FLRT1: variants seen among roughly 807,000 people sequenced by gnomAD.
FLRT1 encodes fibronectin leucine rich transmembrane protein 1, also known as leucine-rich repeat transmembrane protein FLRT1.
FLRT1 carries 14 observed loss-of-function variants against 30.9 expected under a neutral mutation model. That is an observed-to-expected ratio of 0.45 (90% CI 0.30 to 0.71). FLRT1 has a LOEUF of 0.71. Ranked by LOEUF, FLRT1 falls within the 30% of genes least tolerant of loss-of-function variation. The pLI is 0.08. For missense variants in FLRT1, 737 were observed against 949.2 expected (o/e 0.78, Z 2.94); for synonymous variants, 368 against 430.4 (o/e 0.85, Z 1.80).
At chr11:64,059,859 C>T (rs1943863843) in intron 1 of FLRT1, among the ~76,000 whole-genome samples, 1 of 152,158 alleles carries the variant, frequency 6.6e-6, no homozygotes. Context: ...TTGGTTGCTA[C>T]TGATCCAATA....
At chr11:64,108,939 C>T (rs2134585152) in intron 2 of FLRT1, among the ~76,000 whole-genome samples, 1 of 152,244 alleles carries the variant, frequency 6.6e-6, no homozygotes, top group African/African-American at 2.4e-5. Flanking sequence ...AGGACAGAGG[C>T]AGGCAGGTGG....
chr11:64,051,786 T>C (rs766627767), intron 1 of FLRT1, among the ~76,000 whole-genome samples: 7 of 152,074 alleles, frequency 4.6e-5, no homozygotes, highest in Admixed American at 1.3e-4. Flanking sequence ...AGGGTGCCCA[T>C]TGCCCATGGC....
At chr11:64,094,107 G>C (rs1944535934) in intron 1 of FLRT1, among the ~76,000 whole-genome samples, 1 of 152,144 alleles carries the variant, frequency 6.6e-6, no homozygotes, top group African/African-American at 2.4e-5. Context: ...GACCAGCCTG[G>C]ACAACATGGT....
At chr11:64,093,043 T>C (rs539120558) in intron 1 of FLRT1, among the ~76,000 whole-genome samples, 2 of 151,078 alleles carry the variant, frequency 1.3e-5, no homozygotes, top group East Asian at 3.9e-4. Context: ...GGACCCGGAG[T>C]GGAGAGAGGA....
Position 64,117,902 on chromosome 11 carries a change from T to C in FLRT1, c.1635T>C (p.Ala545=), listed in dbSNP as rs770731645. Reference sequence around the variant, plus strand: ...CCACACTCAACCAGGAGCAGAACGCTGGCCCCATGGCGAGCCTGCCCCTGG... The same window carrying C: ...CCACACTCAACCAGGAGCAGAACGCCGGCCCCATGGCGAGCCTGCCCCTGG... ...PTTTLNQEQN[A]GPMASLPLAG... is the part of the protein sequence containing the mutation. The change falls in exon 3 of 3, where the codon GCT becomes GCC. Residue 545 remains alanine (A), a synonymous_variant. Coordinates refer to ENST00000682287, the MANE Select transcript of FLRT1 (RefSeq NM_013280.5). The C allele has an allele frequency of 1.2e-6, 2 of 1,613,922 alleles. No homozygotes were observed. Among genetic ancestry groups the C allele is most frequent in the South Asian group, 1.1e-5 (1 of 91,086 alleles).
chr11:64,049,241 C>T lies in FLRT1; in HGVS notation c.-1038+13082C>T, dbSNP rs549923483. Among the ~76,000 whole-genome samples the T allele has an allele frequency of 2.6e-5, 4 of 152,182 alleles. No individual in the cohort carries two copies. The East Asian group carries it at 7.7e-4, about 29-fold the overall frequency. The stretch of plus-strand genomic sequence containing the variant: ...CAGAGACCACTGTGTTTGTTAACAC[C>T]CCATTGTGTAGTAGGAAACTGAGGC... On this transcript the variant is annotated intron_variant, in intron 1 of 2. Transcript: ENST00000682287.
intron 1 of FLRT1, among the ~76,000 whole-genome samples, chr11:64,088,753 G>C (rs1313486084): frequency 6.6e-6 from 1 of 152,158 alleles, no homozygotes. Context: ...AAGAGCACGA[G>C]ATGAACGACA....
intron 1 of FLRT1, among the ~76,000 whole-genome samples, chr11:64,037,866 G>A (rs1943412474): frequency 6.6e-6 from 1 of 152,216 alleles, no homozygotes; most frequent in South Asian, 2.1e-4. Context: ...TCCCTTGTTG[G>A]TAAAATGGGA....
intron 1 of FLRT1, among the ~76,000 whole-genome samples, chr11:64,065,324 C>T (rs1943979186): frequency 6.6e-6 from 1 of 152,192 alleles, no homozygotes; most frequent in South Asian, 2.1e-4. Context: ...TGCAGGAGGC[C>T]AGGCTTTGTT....
At chr11:64,066,841 T>G (rs1186288177) in intron 1 of FLRT1, among the ~76,000 whole-genome samples, 1 of 152,138 alleles carries the variant, frequency 6.6e-6, no homozygotes, top group African/African-American at 2.4e-5. Context: ...AGGCTCAGAC[T>G]GTGAAGCAGA....
intron 1 of FLRT1, among the ~76,000 whole-genome samples, chr11:64,046,613 A>G (rs2134400782): frequency 6.6e-6 from 1 of 152,200 alleles, no homozygotes; most frequent in Admixed American, 6.5e-5. Context: ...GGACAAGATC[A>G]TGTACCCTCC....
At chr11:64,080,540 A>G (rs1944284679) in intron 1 of FLRT1, among the ~76,000 whole-genome samples, 1 of 152,196 alleles carries the variant, frequency 6.6e-6, no homozygotes, top group African/African-American at 2.4e-5. Flanking sequence ...AAGCACCTAA[A>G]TCAAAGAGAG....
At chr11:64,074,854 A>G (rs78191315) in intron 1 of FLRT1, among the ~76,000 whole-genome samples, 5,662 of 152,160 alleles carry the variant, frequency 0.037, 224 homozygotes, top group African/African-American at 0.11. Flanking sequence ...GTGAGCTCTG[A>G]CCTCACTCCA....
Position 64,067,756 on chromosome 11 carries a change from C to G in FLRT1, c.-1038+31597C>G, listed in dbSNP as rs2134453940. ...CAGGCTGCCACCCCCAGCTTGTGAA[C>G]TGGGGGTGGCCCCAGAGCTGTTTGT... On this transcript the variant is annotated intron_variant, in intron 1 of 2. Coordinates refer to ENST00000682287, the MANE Select transcript of FLRT1 (RefSeq NM_013280.5). This position sits in a 1 kb window ranked among gnomAD's most constrained non-coding sequence, Gnocchi z 4.6. Among the ~76,000 whole-genome samples the G allele has an allele frequency of 6.6e-6, 1 of 152,316 alleles. No homozygotes were observed.
intron 1 of FLRT1, among the ~76,000 whole-genome samples, chr11:64,080,908 C>G (rs1944291191): frequency 6.6e-6 from 1 of 152,160 alleles, no homozygotes; most frequent in South Asian, 2.1e-4. Context: ...TGCAGGCAGA[C>G]CTTGAGAGAA....
intron 2 of FLRT1, among the ~76,000 whole-genome samples, chr11:64,108,301 G>A (rs1328398772): frequency 6.1e-5 from 9 of 146,408 alleles, no homozygotes; most frequent in African/African-American, 2.3e-4. Flanking sequence ...CAACAAGAGC[G>A]AAACTCTGTC....
At chr11:64,098,243 A>C (rs1455006795) in intron 1 of FLRT1, among the ~76,000 whole-genome samples, 1 of 152,144 alleles carries the variant, frequency 6.6e-6, no homozygotes, top group Non-Finnish European at 1.5e-5. Flanking sequence ...CCCTCAGTGC[A>C]GCATTCAGAG....
At chr11:64,073,601 G>A (rs1383463264) in intron 1 of FLRT1, among the ~76,000 whole-genome samples, 1 of 152,198 alleles carries the variant, frequency 6.6e-6, no homozygotes, top group Non-Finnish European at 1.5e-5. Context: ...GCCCAGGTAC[G>A]GCAGGTGCAG....
chr11:64,085,387 G>A (rs1013389666), intron 1 of FLRT1, among the ~76,000 whole-genome samples: 6 of 152,214 alleles, frequency 3.9e-5, no homozygotes, highest in South Asian at 2.1e-4. Context: ...TGGGGGCGGC[G>A]GGCTGCCTGC....
Sources: gnomAD v4.1 joint callset for allele counts (sites outside exome capture counted in the v4.1 genomes callset) on GRCh38, gnomAD v4.1.1 for gene constraint, Gnocchi (gnomAD v3.1) non-coding constraint, MANE v1.5 for transcripts, NCBI Gene and HGNC (gene_info 2026-07-23, HGNC 2026-07-21) for gene names.